NPHP4: variants seen among roughly 807,000 people sequenced by gnomAD.
NPHP4 encodes nephrocystin-4.
A neutral mutation model predicts 155.8 loss-of-function variants in NPHP4; 151 were observed. The observed-to-expected ratio is 0.97, with a 90% CI of 0.85 to 1.11. The LOEUF is 1.11. Among genes scored for constraint, NPHP4 ranks in the 50% least tolerant of loss-of-function variants. The probability of loss-of-function intolerance (pLI) is 0.00; values close to 1 mark genes in which losing one functional copy is unlikely to be tolerated. For missense variants in NPHP4, 1,956 were observed against 1,925.7 expected (o/e 1.02, Z -0.29); for synonymous variants, 845 against 816.8 (o/e 1.03, Z -0.59).
intron 5 of NPHP4, among the ~76,000 whole-genome samples, chr1:5,966,450 T>C (rs1240958326): frequency 6.6e-6 from 1 of 152,126 alleles, no homozygotes; most frequent in Non-Finnish European, 1.5e-5. Flanking sequence ...CTTACTATGT[T>C]GCCCAGGCTG....
intron 8 of NPHP4, among the ~76,000 whole-genome samples, chr1:5,947,753 C>A (rs1342308655): frequency 6.6e-6 from 1 of 152,166 alleles, no homozygotes; most frequent in Non-Finnish European, 1.5e-5. Flanking sequence ...GACTCTCCGT[C>A]CTATGAGAAA....
intron 1 of NPHP4, 29 bp downstream of exon 1, chr1:5,992,215 A>G (rs1570793726): frequency 1.3e-5 from 2 of 151,966 alleles, no homozygotes; most frequent in African/African-American, 4.8e-5. Flanking sequence ...GCCGGCCCAC[A>G]TGGTTCCGCC....
chr1:5,985,700 C>T (rs898523165), intron 2 of NPHP4, among the ~76,000 whole-genome samples: 1 of 152,238 alleles, frequency 6.6e-6, no homozygotes, highest in African/African-American at 2.4e-5. Context: ...CACTTTGCAT[C>T]CGAATACTGC....
intron 23 of NPHP4, among the ~76,000 whole-genome samples, chr1:5,869,015 A>G (rs1454737244): frequency 6.5e-5 from 9 of 138,340 alleles, no homozygotes; most frequent in African/African-American, 2.5e-4. Flanking sequence ...ACCCATACAC[A>G]CACACATGCA....
intron 9 of NPHP4, among the ~76,000 whole-genome samples, chr1:5,939,669 G>T (rs1260242972): frequency 6.6e-6 from 1 of 152,246 alleles, no homozygotes; most frequent in Non-Finnish European, 1.5e-5. Context: ...CTTCCACAAG[G>T]CCTGGCTCCA....
At chr1:5,990,420 G>A (rs6657500) in intron 1 of NPHP4, among the ~76,000 whole-genome samples, 6,897 of 151,562 alleles carry the variant, frequency 0.046, 221 homozygotes, top group African/African-American at 0.099. Context: ...TTGAACCCAA[G>A]AAAAGGGTAC....
chr1:5,926,317 AAT>A, intron 11 of NPHP4, among the ~76,000 whole-genome samples: 1 of 152,358 alleles, frequency 6.6e-6, no homozygotes, highest in East Asian at 1.9e-4. Flanking sequence ...TTGGTACCGG[AAT>A]ATTCTTAGAT....
At position 5,961,868 on chromosome 1, in the gene NPHP4, T is replaced by C. The variant is rs878854994; in HGVS notation, c.599A>G (p.His200Arg). 1.2e-6 allele frequency: 2 copies of C among 1,613,802 alleles called. No individual in the cohort carries two copies. The highest frequency in any genetic ancestry group is 1.7e-6 in the Non-Finnish European group (2 of 1,179,768). Residue 200 changes from histidine (H) to arginine (R), a missense_variant, in exon 6 of 30, where the codon CAC becomes CGC. Coordinates refer to ENST00000378156, the MANE Select transcript of NPHP4 (RefSeq NM_015102.5). ...KPHPALEPAFHLLPENLLVSG... is the reference protein window; with the variant it reads ...KPHPALEPAFRLLPENLLVSG... ...CACCAGAAGGTTCTCAGGAAGAAGG[T>C]GGAACGCAGGCTCCAGGGCCGGGTG... is the stretch of plus-strand genomic sequence containing the variant.
chr1:5,874,457 C>A lies in NPHP4; in HGVS notation c.3231+14G>T. ...CAGCCAAATGCAACTTCCCTGTGTG[C>A]CTGACACCCGCACCTGCACCATGGC... On this transcript the variant is annotated intron_variant, in intron 22 of 29. Transcript: ENST00000378156. 2 of 1,509,502 alleles carry A rather than the reference C, an allele frequency of 1.3e-6. No individual in the cohort carries two copies. The highest frequency in any genetic ancestry group is 2.3e-5 in the Admixed American group (1 of 43,612). The allele number at this position is 1,509,502 out of a possible 1,614,324, so 93.5% of individuals were successfully genotyped here. A position where few individuals can be genotyped will look rare whatever the true frequency, so the allele number is the denominator to read the frequency against.
At chr1:5,866,636 T>C (rs930966049) in intron 25 of NPHP4, among the ~76,000 whole-genome samples, 178 bp from the exon 26 acceptor site, 1 of 152,226 alleles carries the variant, frequency 6.6e-6, no homozygotes. Flanking sequence ...GAGAAGATCA[T>C]TAGCTTCCTG....
intron 25 of NPHP4, 50 bp from the exon 26 acceptor site, chr1:5,866,508 C>G (rs1181613646): frequency 9.2e-7 from 1 of 1,084,292 alleles, no homozygotes; most frequent in South Asian, 1.3e-5. Context: ...TCTGCCGACC[C>G]CAGCCTGGCC....
intron 18 of NPHP4, among the ~76,000 whole-genome samples, chr1:5,884,224 C>A (rs1175499525): frequency 6.6e-6 from 1 of 152,172 alleles, no homozygotes; most frequent in Non-Finnish European, 1.5e-5. Context: ...ACACAGGGCT[C>A]CCGATGCAGC....
intron 1 of NPHP4, among the ~76,000 whole-genome samples, chr1:5,992,006 G>C (rs1656442890): frequency 8.1e-6 from 1 of 124,098 alleles, no homozygotes; most frequent in African/African-American, 3.6e-5. Flanking sequence ...GCACCCAGCG[G>C]CCCCGACCCC....
At chr1:5,868,190 A>G (rs1641469481) in intron 23 of NPHP4, 2 of 478,662 alleles carry the variant, frequency 4.2e-6, no homozygotes, top group Non-Finnish European at 3.9e-6. Flanking sequence ...GCCAGTGGAG[A>G]AGGTCTGCAG....
intron 18 of NPHP4, chr1:5,886,967 T>C (rs548845756): frequency 3.4e-6 from 1 of 294,170 alleles, no homozygotes; most frequent in South Asian, 9.8e-5. Flanking sequence ...CACAGGGAAG[T>C]CTCTCCTGGA....
chr1:5,926,739 T>TG (rs1186407765), intron 11 of NPHP4, among the ~76,000 whole-genome samples: 1 of 152,188 alleles, frequency 6.6e-6, no homozygotes, highest in East Asian at 1.9e-4. Flanking sequence ...TAGCAGGACT[T>TG]GGGGCCATAG....
intron 5 of NPHP4, among the ~76,000 whole-genome samples, chr1:5,964,939 A>ATTTTTTTTTTTTTTTTTT (rs1232148646): frequency 4.8e-5 from 3 of 62,706 alleles, no homozygotes; most frequent in African/African-American, 7.7e-5. Flanking sequence ...ATATATATAT[A>ATTTTTTTTTTTTTTTTTT]TATTTTTTTT....
In NPHP4 at chr1:5,867,528, A is replaced by G; in HGVS notation, c.3472+212T>C. Reference sequence around the variant, plus strand: ...TGGGATTTTTTAGAAGGGCAGACTCAGCCGGCAAATGCGCACCTAGTCATC... The same window carrying G: ...TGGGATTTTTTAGAAGGGCAGACTCGGCCGGCAAATGCGCACCTAGTCATC... On this transcript the variant is annotated intron_variant, in intron 24 of 29. Transcript: ENST00000378156. The surrounding 1 kb of genome is among the most constrained non-coding windows in gnomAD (Gnocchi z 4.1). 1 of 604,278 alleles carries G rather than the reference A, an allele frequency of 1.7e-6. No homozygotes were observed. The highest frequency in any genetic ancestry group is 2.9e-6 in the Non-Finnish European group (1 of 345,094). 37.4% of individuals were successfully genotyped at this position (604,278 alleles called of 1,614,324 possible). A position where few individuals can be genotyped will look rare whatever the true frequency, so the allele number is the denominator to read the frequency against.
Position 5,947,069 on chromosome 1 carries a change from C to T in NPHP4, c.1119+35G>A, listed in dbSNP as rs763116963. 4.3e-6 allele frequency: 7 copies of T among 1,613,142 alleles called. No individual in the cohort carries two copies. In the East Asian group the frequency reaches 1.6e-4, roughly 36 times the overall value. ...TTATCCTCACACACAGAGTTCACCA[C>T]CAGAGGAAACCGAGTGCAAAAGGGC... On this transcript the variant is annotated intron_variant, in intron 9 of 29. Transcript: ENST00000378156.
Sources: gnomAD v4.1 joint callset for allele counts (sites outside exome capture counted in the v4.1 genomes callset) on GRCh38, gnomAD v4.1.1 for gene constraint, Gnocchi (gnomAD v3.1) non-coding constraint, MANE v1.5 for transcripts, NCBI Gene and HGNC (gene_info 2026-07-23, HGNC 2026-07-21) for gene names.